The following LIN28B variants were observed in gnomAD, a reference collection of about 807,000 sequenced individuals.
LIN28B encodes the protein protein lin-28 homolog B.
A neutral mutation model predicts 21.9 loss-of-function variants in LIN28B; 5 were observed. The observed-to-expected ratio is 0.23, with a 90% CI of 0.12 to 0.48. LIN28B has a LOEUF of 0.48. LIN28B is among the 20% of genes least tolerant of loss of function. The pLI, the probability that LIN28B is intolerant of heterozygous loss-of-function variation, is 0.98. For missense variants in LIN28B, 245 were observed against 310.5 expected, an observed-to-expected ratio of 0.79 and a Z score of 1.58; for synonymous variants, 109 against 111.3, an observed-to-expected ratio of 0.98 and a Z score of 0.13.
At chr6:104,971,356 A>G (rs1769980783) in intron 2 of LIN28B, among the ~76,000 whole-genome samples, 1 of 152,134 alleles carries the variant, frequency 6.6e-6, no homozygotes, top group Non-Finnish European at 1.5e-5. Context: ...TTTCAGTCTT[A>G]TAGATCTTAA....
chr6:104,999,323 G>C (rs574875367), intron 2 of LIN28B, among the ~76,000 whole-genome samples: 2 of 152,000 alleles, frequency 1.3e-5, no homozygotes, highest in Non-Finnish European at 1.5e-5. Flanking sequence ...GTTTTTTGTA[G>C]AGATGGGATC....
At chr6:105,053,467 T>C (rs1254109528) in intron 3 of LIN28B, among the ~76,000 whole-genome samples, 1 of 149,350 alleles carries the variant, frequency 6.7e-6, no homozygotes, top group Admixed American at 6.7e-5. Flanking sequence ...TTTCAACTGA[T>C]TGTGGATTTC....
At chr6:105,052,853 A>T in intron 3 of LIN28B, among the ~76,000 whole-genome samples, 1 of 151,784 alleles carries the variant, frequency 6.6e-6, no homozygotes, top group Admixed American at 6.6e-5. Flanking sequence ...GGCTTTGTTA[A>T]TTTTTTTATA....
intron 3 of LIN28B, among the ~76,000 whole-genome samples, chr6:105,044,634 T>G (rs559570873): frequency 6.6e-6 from 1 of 152,314 alleles, no homozygotes; most frequent in South Asian, 2.1e-4. Context: ...TTCATATGGC[T>G]TGATCTAATT....
intron 3 of LIN28B, among the ~76,000 whole-genome samples, chr6:105,075,442 T>C (rs1054857078): frequency 6.6e-6 from 1 of 152,168 alleles, no homozygotes; most frequent in Non-Finnish European, 1.5e-5. Context: ...TCTGTACTCT[T>C]AGTAAGAGTG....
intron 2 of LIN28B, among the ~76,000 whole-genome samples, chr6:105,016,743 A>G (rs1018733757): frequency 6.6e-6 from 1 of 152,220 alleles, no homozygotes; most frequent in Non-Finnish European, 1.5e-5. Context: ...CCTTTCAAGA[A>G]GTTAGTAGCT....
chr6:105,046,644 G>A (rs1191892538), intron 3 of LIN28B, among the ~76,000 whole-genome samples: 2 of 152,096 alleles, frequency 1.3e-5, no homozygotes, highest in Non-Finnish European at 2.9e-5. Flanking sequence ...CAGTGTAAAA[G>A]TGTTCCTATT....
intron 2 of LIN28B, among the ~76,000 whole-genome samples, chr6:105,022,899 C>A (rs2114330827): frequency 6.6e-6 from 1 of 151,760 alleles, no homozygotes; most frequent in Non-Finnish European, 1.5e-5. Context: ...AGGGTGATAG[C>A]AATCCAATGA....
intron 2 of LIN28B, among the ~76,000 whole-genome samples, chr6:104,994,390 A>C (rs959261250): frequency 6.6e-6 from 1 of 152,248 alleles, no homozygotes; most frequent in African/African-American, 2.4e-5. Context: ...TTAGCAAATC[A>C]GTTATTTAAC....
At chr6:105,024,139 CCACCA>C (rs1771236473) in intron 2 of LIN28B, among the ~76,000 whole-genome samples, 6 of 152,088 alleles carry the variant, frequency 3.9e-5, no homozygotes, top group South Asian at 4.2e-4. Context: ...CAGGCGAGCG[CCACCA>C]CACCTGGCTA....
At chr6:105,024,389 A>G (rs1393419105) in intron 2 of LIN28B, among the ~76,000 whole-genome samples, 1 of 152,216 alleles carries the variant, frequency 6.6e-6, no homozygotes, top group Non-Finnish European at 1.5e-5. Flanking sequence ...CAGTAGCTGA[A>G]CTATGCTCCA....
At chr6:104,942,622 A>G (rs2114541982) in intron 2 of LIN28B, among the ~76,000 whole-genome samples, 1 of 152,270 alleles carries the variant, frequency 6.6e-6, no homozygotes, top group Non-Finnish European at 1.5e-5. Context: ...ATTTTCAATA[A>G]TAATTACACC....
chr6:104,949,386 G>A (rs1304234494), intron 2 of LIN28B, among the ~76,000 whole-genome samples: 1 of 152,108 alleles, frequency 6.6e-6, no homozygotes, highest in Non-Finnish European at 1.5e-5. Flanking sequence ...AGAGGTTCAC[G>A]TGCCTTTTGT....
chr6:104,943,802 AT>A (rs1778125523), intron 2 of LIN28B, among the ~76,000 whole-genome samples: 1 of 152,166 alleles, frequency 6.6e-6, no homozygotes, highest in Admixed American at 6.5e-5. Context: ...AAAGTAAAGT[AT>A]TTCTAGCTTG....
intron 2 of LIN28B, among the ~76,000 whole-genome samples, chr6:105,023,060 A>AT (rs2114331053): frequency 6.7e-6 from 1 of 149,044 alleles, no homozygotes; most frequent in African/African-American, 2.5e-5. Flanking sequence ...GGATAAGTTG[A>AT]TTTTTGGGGG....
intron 3 of LIN28B, among the ~76,000 whole-genome samples, chr6:105,047,890 T>G (rs1001511102): frequency 1.6e-4 from 24 of 152,200 alleles, no homozygotes; most frequent in Non-Finnish European, 1.6e-4. Context: ...CTTTGCCAAA[T>G]TTGCTTATCG....
At chr6:105,052,492 G>T (rs1176812383) in intron 3 of LIN28B, among the ~76,000 whole-genome samples, 1 of 152,102 alleles carries the variant, frequency 6.6e-6, no homozygotes, top group Non-Finnish European at 1.5e-5. Context: ...ACCCATTCCT[G>T]TAATAATGAG....
intron 2 of LIN28B, chr6:104,941,305 ATGT>A (rs1778087826): frequency 6.6e-6 from 1 of 152,028 alleles, no homozygotes; most frequent in Non-Finnish European, 1.5e-5. Context: ...CGGGCAGTCG[ATGT>A]ACTTCCGGGT....
intron 2 of LIN28B, among the ~76,000 whole-genome samples, chr6:104,991,228 G>A (rs898322948): frequency 3.3e-5 from 5 of 150,786 alleles, no homozygotes; most frequent in Non-Finnish European, 5.9e-5. Context: ...CTGGCCGGGC[G>A]GGGGCTGCCC....
Sources: gnomAD v4.1 joint callset for allele counts (sites outside exome capture counted in the v4.1 genomes callset) on GRCh38, gnomAD v4.1.1 for gene constraint, MANE v1.5 for transcripts, NCBI Gene and HGNC (gene_info 2026-07-23, HGNC 2026-07-21) for gene names.